Variants in RHBDD1 observed in about 807,000 individuals in gnomAD.
RHBDD1 encodes rhomboid-related protein 4.
A neutral mutation model predicts 36.3 loss-of-function variants in RHBDD1; 38 were observed. The observed-to-expected ratio is 1.05, with a 90% confidence interval of 0.81 to 1.37. RHBDD1 has a LOEUF of 1.37. RHBDD1 is among the 40% of genes most tolerant of loss of function. RHBDD1 has a pLI of 0.00. For missense variants in RHBDD1, 393 were observed against 377.6 expected, an observed-to-expected ratio of 1.04 and a Z score of -0.34; for synonymous variants, 151 against 136.5, an observed-to-expected ratio of 1.11 and a Z score of -0.74.
chr2:226,807,016 A>C, the RHBDD1 span, among the ~76,000 whole-genome samples: 1 of 152,078 alleles, frequency 6.6e-6, no homozygotes, highest in Non-Finnish European at 1.5e-5. Context: ...TTTTTTTCTT[A>C]AGTGGTTGGG....
chr2:226,988,527 G>A (rs562465315), intron 8 of RHBDD1: 17 of 1,496,888 alleles, frequency 1.1e-5, no homozygotes, highest in Middle Eastern at 2.4e-4. Context: ...GCAGCTGCCC[G>A]CACTGTGCCA....
chr2:226,881,740 A>T (rs975840384), intron 5 of RHBDD1, among the ~76,000 whole-genome samples: 8 of 152,222 alleles, frequency 5.3e-5, no homozygotes, highest in African/African-American at 1.9e-4. Flanking sequence ...GCCAACTTGA[A>T]TATTTTCTAT....
intron 5 of RHBDD1, among the ~76,000 whole-genome samples, chr2:226,872,248 G>A (rs1474219031): frequency 2.6e-5 from 4 of 151,774 alleles, no homozygotes; most frequent in African/African-American, 9.7e-5. Context: ...AAATGAGAAA[G>A]GGAAAGACAG....
chr2:226,886,115 G>A (rs942474955), intron 5 of RHBDD1, among the ~76,000 whole-genome samples: 2 of 152,190 alleles, frequency 1.3e-5, no homozygotes, highest in African/African-American at 4.8e-5. Context: ...AAGTGAAACA[G>A]CACATAAGCG....
rs566249503 is a variant in RHBDD1 at position 226,885,211 on chromosome 2, T to C, written c.566+17893T>C. On this transcript the variant is annotated intron_variant, in intron 5 of 8. Coordinates refer to ENST00000392062, the MANE Select transcript of RHBDD1 (RefSeq NM_001167608.3). Reference sequence around the variant, plus strand: ...TTGAGGTTTTGATTAAATGGGAATTTACATAAACTTTTGATGGGGCTGTAC... The same window carrying C: ...TTGAGGTTTTGATTAAATGGGAATTCACATAAACTTTTGATGGGGCTGTAC... Among the ~76,000 whole-genome samples, 4 of 152,290 alleles carry C rather than the reference T, an allele frequency of 2.6e-5. No homozygotes were observed. In the South Asian group the frequency reaches 8.3e-4, roughly 32 times the overall value.
In RHBDD1 at chr2:226,867,322, A is replaced by C; in HGVS notation, c.566+4A>C. Reference sequence around the variant, plus strand: ...CTATTCATTTATTCTCACCAGGGTAAGTGTTTTCTTTTGGGGAATACAGTT... The same window carrying C: ...CTATTCATTTATTCTCACCAGGGTACGTGTTTTCTTTTGGGGAATACAGTT... On this transcript the variant is annotated splice_donor_region_variant and intron_variant, in intron 5 of 8. Coordinates refer to ENST00000392062, the MANE Select transcript of RHBDD1 (RefSeq NM_001167608.3). 1.9e-6 allele frequency: 3 copies of C among 1,608,568 alleles called. No homozygotes were observed. Among genetic ancestry groups the C allele is most frequent in the Non-Finnish European group, 2.5e-6 (3 of 1,178,788 alleles).
intron 5 of RHBDD1, among the ~76,000 whole-genome samples, chr2:226,888,839 G>T (rs763264141): frequency 6.6e-6 from 1 of 152,054 alleles, no homozygotes; most frequent in Non-Finnish European, 1.5e-5. Context: ...TGTTAGTCAC[G>T]ATCAGGAGTT....
the RHBDD1 span, among the ~76,000 whole-genome samples, chr2:226,810,566 G>C: frequency 7.4e-5 from 7 of 94,036 alleles, no homozygotes; most frequent in South Asian, 2.2e-3. Context: ...AAAAAAAAAA[G>C]TGAATGTTAA....
At chr2:226,935,987 T>C (rs187211378) in intron 8 of RHBDD1, among the ~76,000 whole-genome samples, 255 of 152,258 alleles carry the variant, frequency 1.7e-3, no homozygotes, top group African/African-American at 6.0e-3. Context: ...GCAGAAACAT[T>C]ATAGCCAGGA....
At chr2:226,955,432 A>G (rs915114082) in intron 8 of RHBDD1, among the ~76,000 whole-genome samples, 2 of 152,030 alleles carry the variant, frequency 1.3e-5, no homozygotes, top group African/African-American at 4.8e-5. Context: ...TTTTGATGTT[A>G]CTCTTTGTTG....
At chr2:226,971,347 G>A (rs1042151842) in intron 8 of RHBDD1, among the ~76,000 whole-genome samples, 1 of 152,202 alleles carries the variant, frequency 6.6e-6, no homozygotes, top group African/African-American at 2.4e-5. Context: ...GTCTGGTGTC[G>A]AAGGACGTCT....
At chr2:226,979,222 C>T (rs1955162248) in intron 8 of RHBDD1, among the ~76,000 whole-genome samples, 1 of 152,146 alleles carries the variant, frequency 6.6e-6, no homozygotes, top group Non-Finnish European at 1.5e-5. Flanking sequence ...GAAGAAACTG[C>T]AGTCTCATTG....
chr2:226,895,806 A>G (rs1354051517), intron 5 of RHBDD1: 2 of 984,088 alleles, frequency 2.0e-6, no homozygotes, highest in Non-Finnish European at 2.4e-6. Context: ...TCACCCCAGC[A>G]ACAGCAAAAC....
At chr2:226,900,135 A>G (rs1947467277) in intron 5 of RHBDD1, among the ~76,000 whole-genome samples, 2 of 152,224 alleles carry the variant, frequency 1.3e-5, no homozygotes, top group Non-Finnish European at 2.9e-5. Flanking sequence ...CACTTTGTGT[A>G]TACACAGTTT....
upstream of RHBDD1, among the ~76,000 whole-genome samples, chr2:226,833,046 C>T (rs1244636360): frequency 6.6e-6 from 1 of 152,120 alleles, no homozygotes. Flanking sequence ...TTAGTATAGC[C>T]ACTACAAATC....
intron 8 of RHBDD1, among the ~76,000 whole-genome samples, chr2:226,983,914 G>T (rs1575473089): frequency 6.6e-6 from 1 of 152,178 alleles, no homozygotes; most frequent in Admixed American, 6.5e-5. Context: ...CTGAACAGAA[G>T]ATTTGAGAGC....
At chr2:226,986,463 A>G (rs1956980703) in intron 8 of RHBDD1, among the ~76,000 whole-genome samples, 1 of 152,222 alleles carries the variant, frequency 6.6e-6, no homozygotes, top group Non-Finnish European at 1.5e-5. Flanking sequence ...TTCCAAAATA[A>G]AAAGTTTATT....
At chr2:226,987,184 G>A (rs756258999) in intron 8 of RHBDD1, among the ~76,000 whole-genome samples, 18 of 152,144 alleles carry the variant, frequency 1.2e-4, no homozygotes, top group Non-Finnish European at 1.8e-4. Context: ...TTGGGGGCTG[G>A]GGGCAAGGGG....
At position 226,865,129 on chromosome 2, in the gene RHBDD1, A is replaced by C. The variant is rs1313942630; in HGVS notation, c.433+3A>C. On this transcript the variant is annotated splice_donor_region_variant and intron_variant, in intron 4 of 8. Transcript: ENST00000392062. ...GAGCTGTGCTGTAGGTTTCTCAGGT[A>C]AGGGAGACAAAATTTTGAGGTTGCA... 2 of 1,591,428 alleles carry C rather than the reference A, an allele frequency of 1.3e-6. No homozygotes were observed. Among genetic ancestry groups the C allele is most frequent in the Admixed American group, 3.6e-5 (2 of 55,044 alleles).
Sources: allele counts gnomAD v4.1 joint callset (sites outside exome capture counted in the v4.1 genomes callset), GRCh38; gene constraint gnomAD v4.1.1; transcripts MANE v1.5; gene names NCBI Gene and HGNC (gene_info 2026-07-23, HGNC 2026-07-21).